BARD1: variants seen among roughly 807,000 people sequenced by gnomAD.
The protein encoded by BARD1 is BRCA1 associated RING domain 1, also known as BRCA1-associated RING domain protein 1.
Under a neutral mutation model 77.0 loss-of-function variants are expected in BARD1, and 73 were observed. The ratio of observed to expected loss-of-function variants is 0.95; its 90% CI spans 0.79 to 1.15. The LOEUF (loss-of-function observed/expected upper bound fraction) is 1.15. BARD1 is among the 50% of genes most tolerant of loss of function. The probability of loss-of-function intolerance (pLI) is 0.00; values close to 1 mark genes in which losing one functional copy is unlikely to be tolerated. For missense variants in BARD1, 993 were observed against 938.8 expected, an observed-to-expected ratio of 1.06 and a Z score of -0.75; for synonymous variants, 384 against 338.0, an observed-to-expected ratio of 1.14 and a Z score of -1.49.
intron 6 of BARD1, among the ~76,000 whole-genome samples, chr2:214,756,170 C>T (rs1013812496): frequency 2.0e-5 from 3 of 152,030 alleles, no homozygotes; most frequent in African/African-American, 4.8e-5. Context: ...ATCATGGGGG[C>T]GGATTTCCTC....
chr2:214,801,814 G>C (rs1370823562), intron 1 of BARD1, among the ~76,000 whole-genome samples: 1 of 132,782 alleles, frequency 7.5e-6, no homozygotes, highest in Non-Finnish European at 1.6e-5. Context: ...TCTAGTTGGG[G>C]TTCTGGGATT....
Position 214,728,909 on chromosome 2 carries a change from G to A in BARD1, c.2101C>T (p.Gln701Ter), listed in dbSNP as rs587782348. 6.2e-7 allele frequency: 1 copy of A among 1,614,178 alleles called. No individual in the cohort carries two copies. Residue 701 changes from glutamine (Q) to a stop codon, truncating the protein, a stop_gained, in exon 11 of 11, where the codon CAG (glutamine) becomes TAG (stop). Transcript: ENST00000260947. LOFTEE classifies it high-confidence loss of function. ...LIKLVTAGGG[Q>*]ILSRKPKPDS... ...GGCTTGGGCTTTCTACTGAGGATCT[G>A]GCCCCCACCTGCAGTGACGAGCTTA... is the stretch of plus-strand genomic sequence containing the variant.
At chr2:214,769,363 A>G in intron 4 of BARD1, 51 bp from the exon 5 acceptor site, 2 of 1,435,240 alleles carry the variant, frequency 1.4e-6, no homozygotes, top group South Asian at 2.3e-5. Flanking sequence ...AAAGAAAGGA[A>G]AATATTGAGC....
At chr2:214,784,891 G>A (rs1695199852) in intron 3 of BARD1, among the ~76,000 whole-genome samples, 1 of 152,122 alleles carries the variant, frequency 6.6e-6, no homozygotes, top group African/African-American at 2.4e-5. Context: ...AGCGGGGTCA[G>A]GGGAGGGATA....
chr2:214,771,924 G>GAAAAAAAA (rs10602414), intron 4 of BARD1, among the ~76,000 whole-genome samples: 6 of 107,142 alleles, frequency 5.6e-5, no homozygotes, highest in Admixed American at 9.6e-5. Context: ...CCAGTTTCAG[G>GAAAAAAAA]AAAAAAAAAA....
At chr2:214,802,236 G>A (rs1696057399) in intron 1 of BARD1, among the ~76,000 whole-genome samples, 1 of 152,158 alleles carries the variant, frequency 6.6e-6, no homozygotes, top group South Asian at 2.1e-4. Flanking sequence ...ACAGCAGGAA[G>A]TCATTCTGTT....
intron 7 of BARD1, among the ~76,000 whole-genome samples, chr2:214,750,381 A>T (rs373628107): frequency 6.6e-6 from 1 of 152,078 alleles, no homozygotes; most frequent in African/African-American, 2.4e-5. Flanking sequence ...GCTTTTCACA[A>T]TCTGGTCCCA....
intron 6 of BARD1, among the ~76,000 whole-genome samples, chr2:214,758,099 A>T (rs1484574239): frequency 6.6e-6 from 1 of 152,160 alleles, no homozygotes; most frequent in East Asian, 1.9e-4. Context: ...GAAACCCTGA[A>T]CAGCTTCCTA....
At chr2:214,804,986 C>A (rs1339694103) in intron 1 of BARD1, among the ~76,000 whole-genome samples, 3 of 152,130 alleles carry the variant, frequency 2.0e-5, no homozygotes, top group Non-Finnish European at 2.9e-5. Flanking sequence ...CATGGTGAAA[C>A]CCCGTGTCTA....
intron 4 of BARD1, among the ~76,000 whole-genome samples, chr2:214,770,892 T>A (rs1694452505): frequency 6.6e-6 from 1 of 152,220 alleles, no homozygotes; most frequent in Non-Finnish European, 1.5e-5. Flanking sequence ...TACCAGGGTC[T>A]CTTAAATTTG....
intron 3 of BARD1, among the ~76,000 whole-genome samples, chr2:214,789,756 G>A (rs978399876): frequency 1.3e-5 from 2 of 151,944 alleles, no homozygotes; most frequent in South Asian, 2.1e-4. Context: ...ACAGAATAAC[G>A]GGATTAAAGA....
chr2:214,751,111 GTGTGTGTATATATATA>G (rs1255108201), intron 7 of BARD1, among the ~76,000 whole-genome samples: 2,349 of 15,814 alleles, frequency 0.15, 54 homozygotes, highest in Middle Eastern at 0.25. Flanking sequence ...GTGTGTGTGT[GTGTGTGTATATATATA>G]TATATATATA....
intron 2 of BARD1, among the ~76,000 whole-genome samples, chr2:214,796,636 A>G (rs1028033555): frequency 6.6e-6 from 1 of 152,200 alleles, no homozygotes; most frequent in South Asian, 2.1e-4. Flanking sequence ...CTAGAGAGAC[A>G]ATACATTTCT....
At position 214,784,577 on chromosome 2, in the gene BARD1, T is replaced by C. The variant is rs534159350; in HGVS notation, c.365-3068A>G. 1.6e-4 allele frequency among the ~76,000 whole-genome samples: 24 copies of C among 152,216 alleles called. No homozygotes were observed. The South Asian group carries it at 2.1e-3, about 13-fold the overall frequency. ...ATTCTACTATAAAGACACATGCACA[T>C]GTATGTTTATTGTAGCACTGTTCAC... On this transcript the variant is annotated intron_variant, in intron 3 of 10. Coordinates refer to ENST00000260947, the MANE Select transcript of BARD1 (RefSeq NM_000465.4).
intron 9 of BARD1, among the ~76,000 whole-genome samples, chr2:214,738,602 T>C (rs577472727): frequency 2.0e-5 from 3 of 152,284 alleles, no homozygotes; most frequent in African/African-American, 4.8e-5. Context: ...CATGGTTTTA[T>C]ATTAAGCTTA....
In BARD1 at chr2:214,780,562, T is replaced by C. The variant is rs754539312; in HGVS notation, c.1312A>G (p.Lys438Glu). ...GTATTTCAGAGTAAGCATCCTACCT[T>C]AATAGAAGCAATATGGAGCAAAGTC... ...GETLLHIASIKGDIPSVEYLL... is the reference protein window; with the variant it reads ...GETLLHIASIEGDIPSVEYLL... Residue 438 changes from lysine (K) to glutamate (E), a missense_variant and splice_region_variant, in exon 4 of 11, where the codon AAG (lysine) becomes GAG (glutamate). Physicochemically the swap from Lys to Glu is moderately conservative, Grantham distance 56 (BLOSUM62 1). Transcript: ENST00000260947. 6 of 1,613,278 alleles carry C rather than the reference T, an allele frequency of 3.7e-6. No homozygotes were observed. Among genetic ancestry groups the C allele is most frequent in the South Asian group, 3.3e-5 (3 of 91,068 alleles).
chr2:214,765,670 A>C (rs371595173), intron 6 of BARD1, among the ~76,000 whole-genome samples: 35 of 152,162 alleles, frequency 2.3e-4, no homozygotes, highest in South Asian at 4.1e-4. Flanking sequence ...CTTGCAACAC[A>C]TATGGGAGGG....
chr2:214,767,428 T>C, intron 6 of BARD1, 54 bp downstream of exon 6: 1 of 1,550,224 alleles, frequency 6.5e-7, no homozygotes, highest in South Asian at 1.1e-5. Context: ...TCACACACCT[T>C]GATTCAAGAA....
Position 214,797,111 on chromosome 2 carries a change from G to T in BARD1, c.165C>A (p.Asn55Lys). The T allele has an allele frequency of 6.2e-7, 1 of 1,612,376 alleles. No homozygotes were observed. The highest frequency in any genetic ancestry group is 1.1e-5 in the South Asian group (1 of 91,062). ...EKLLRCSRCTNILREPVCLGG... is the reference protein window; with the variant it reads ...EKLLRCSRCTKILREPVCLGG... ...CTAAACACACAGGCTCTCTCAGAAT[G>T]TTAGTACTGTTTGAAGAAATTAAAA... Residue 55 changes from asparagine (N) to lysine (K), a missense_variant, in exon 2 of 11, where the codon AAC becomes AAA. Coordinates refer to ENST00000260947, the MANE Select transcript of BARD1 (RefSeq NM_000465.4).
Sources: gnomAD v4.1 joint callset for allele counts (sites outside exome capture counted in the v4.1 genomes callset) on GRCh38, gnomAD v4.1.1 for gene constraint, MANE v1.5 for transcripts, NCBI Gene and HGNC (gene_info 2026-07-23, HGNC 2026-07-21) for gene names.